GPHN: variants seen among roughly 807,000 people sequenced by gnomAD.
GPHN encodes the protein gephyrin.
GPHN carries 17 observed loss-of-function variants against 95.5 expected under a neutral mutation model. That is an observed-to-expected ratio of 0.18 (90% confidence interval 0.12 to 0.27). GPHN has a LOEUF of 0.27. Ranked by LOEUF, GPHN falls within the 10% of genes least tolerant of loss-of-function variation. GPHN has a pLI of 1.00. For missense variants in GPHN, 660 were observed against 978.1 expected (o/e 0.67, Z 4.34); for synonymous variants, 320 against 322.5 (o/e 0.99, Z 0.08).
intron 5 of GPHN, among the ~76,000 whole-genome samples, chr14:66,882,993 T>C (rs2064001045): frequency 6.6e-6 from 1 of 151,908 alleles, no homozygotes; most frequent in African/African-American, 2.4e-5. Flanking sequence ...GAAGATATTT[T>C]TTCTGCAGCT....
intron 4 of GPHN, among the ~76,000 whole-genome samples, chr14:66,871,935 T>C (rs2063455854): frequency 6.6e-6 from 1 of 152,106 alleles, no homozygotes; most frequent in African/African-American, 2.4e-5. Context: ...GAGCTTAAAG[T>C]AAAATTTAAA....
intron 11 of GPHN, among the ~76,000 whole-genome samples, chr14:67,064,078 A>G (rs1257296009): frequency 6.6e-6 from 1 of 152,162 alleles, no homozygotes; most frequent in Non-Finnish European, 1.5e-5. Context: ...TTTGTCATAA[A>G]TAGCTCTTAT....
At chr14:66,653,683 C>A (rs1431525275) in intron 1 of GPHN, among the ~76,000 whole-genome samples, 1 of 152,194 alleles carries the variant, frequency 6.6e-6, no homozygotes, top group Non-Finnish European at 1.5e-5. Flanking sequence ...TGGAATCACA[C>A]CACATGTAAT....
chr14:66,800,438 T>G (rs1566958754), intron 3 of GPHN, among the ~76,000 whole-genome samples: 1 of 152,124 alleles, frequency 6.6e-6, no homozygotes, highest in Non-Finnish European at 1.5e-5. Flanking sequence ...TGTTCATGTT[T>G]GAAAAATATT....
chr14:66,665,790 C>T (rs1350491899), intron 1 of GPHN, among the ~76,000 whole-genome samples: 1 of 152,142 alleles, frequency 6.6e-6, no homozygotes, highest in Admixed American at 6.5e-5. Context: ...GCTATAAAGA[C>T]ACATGGCACA....
chr14:67,355,061 C>A, the GPHN span, among the ~76,000 whole-genome samples: 1 of 152,108 alleles, frequency 6.6e-6, no homozygotes, highest in Non-Finnish European at 1.5e-5. Context: ...ATCCGCCCAC[C>A]TCGGCCTCAC....
rs1370439478 is a variant in GPHN, at chr14:67,122,259, C to T, written c.1630C>T (p.Leu544=). ...TGGTGGTTTTTTGGCTTTGTAGCTGCTAAATCCTGAAGATGACCTCTTACC... is the reference window on the plus strand; with the variant it reads ...TGGTGGTTTTTTGGCTTTGTAGCTGTTAAATCCTGAAGATGACCTCTTACC... ...VAVMSTGNEL[L]NPEDDLLPGK... is the part of the protein sequence containing the mutation. Residue 544 remains leucine (L), a synonymous_variant, in exon 17 of 23, where the codon CTA becomes TTA. Transcript: ENST00000478722. 4.3e-6 allele frequency: 7 copies of T among 1,613,412 alleles called. No homozygotes were observed. The highest frequency in any genetic ancestry group is 5.9e-6 in the Non-Finnish European group (7 of 1,179,606).
At chr14:67,258,968 G>T in the GPHN span, among the ~76,000 whole-genome samples, 2 of 151,508 alleles carry the variant, frequency 1.3e-5, no homozygotes, top group East Asian at 2.0e-4. Context: ...TCACCCTCCC[G>T]AGTAGCTGGG....
At chr14:66,721,812 A>T (rs1024005609) in intron 2 of GPHN, among the ~76,000 whole-genome samples, 1 of 151,966 alleles carries the variant, frequency 6.6e-6, no homozygotes, top group Non-Finnish European at 1.5e-5. Flanking sequence ...TTAGCTGGGC[A>T]TGTTAGTGCC....
At chr14:66,943,549 C>T (rs1394817532) in intron 8 of GPHN, among the ~76,000 whole-genome samples, 1 of 152,138 alleles carries the variant, frequency 6.6e-6, no homozygotes, top group Non-Finnish European at 1.5e-5. Context: ...ATAGTTTAGT[C>T]CACCTGTTTA....
At chr14:67,342,629 T>G in the GPHN span, among the ~76,000 whole-genome samples, 1 of 150,974 alleles carries the variant, frequency 6.6e-6, no homozygotes, top group Non-Finnish European at 1.5e-5. Flanking sequence ...CAAAAAGGTT[T>G]TTTAAAAAAT....
the GPHN span, chr14:67,353,033 T>A: frequency 6.2e-7 from 1 of 1,607,582 alleles, no homozygotes; most frequent in Non-Finnish European, 8.5e-7. Flanking sequence ...TTCATGATGG[T>A]CTGTGCCCTA....
At chr14:66,725,922 A>G (rs561488738) in intron 2 of GPHN, among the ~76,000 whole-genome samples, 1 of 152,342 alleles carries the variant, frequency 6.6e-6, no homozygotes, top group East Asian at 1.9e-4. Flanking sequence ...AATTGTTACT[A>G]TACTTTGATG....
chr14:67,342,181 A>AAAAT, the GPHN span, among the ~76,000 whole-genome samples: 2,032 of 99,580 alleles, frequency 0.02, 20 homozygotes, highest in Middle Eastern at 0.049. Context: ...AATGATCAAT[A>AAAAT]AAATAAATAA....
intron 9 of GPHN, among the ~76,000 whole-genome samples, chr14:67,011,691 T>A (rs8021795): frequency 0.28 from 42,920 of 151,612 alleles, 10,693 homozygotes; most frequent in African/African-American, 0.65. Flanking sequence ...TTTTTACTCC[T>A]CTTTCTCTCT....
At chr14:66,712,430 G>A (rs1405025767) in intron 2 of GPHN, among the ~76,000 whole-genome samples, 1 of 152,128 alleles carries the variant, frequency 6.6e-6, no homozygotes, top group Non-Finnish European at 1.5e-5. Context: ...CTTGTTGATG[G>A]GGTTGGTTTT....
chr14:66,577,327 A>G (rs1179739758), intron 1 of GPHN, among the ~76,000 whole-genome samples: 1 of 152,174 alleles, frequency 6.6e-6, no homozygotes, highest in Non-Finnish European at 1.5e-5. Flanking sequence ...AGAGAATCCA[A>G]GGGTCTTGGG....
chr14:67,724,114 G>C, the GPHN span, among the ~76,000 whole-genome samples: 667 of 151,436 alleles, frequency 4.4e-3, 35 homozygotes, highest in East Asian at 0.1. Context: ...CATATGTTTT[G>C]AATGTAGGTT....
intron 11 of GPHN, among the ~76,000 whole-genome samples, chr14:67,061,118 G>A (rs140598042): frequency 0.012 from 1,834 of 151,632 alleles, 18 homozygotes; most frequent in Non-Finnish European, 0.018. Flanking sequence ...CTCGGTTCAC[G>A]GCAACCTCCA....
Sources: gnomAD v4.1 joint callset for allele counts (sites outside exome capture counted in the v4.1 genomes callset) on GRCh38, gnomAD v4.1.1 for gene constraint, MANE v1.5 for transcripts, NCBI Gene and HGNC (gene_info 2026-07-23, HGNC 2026-07-21) for gene names.